The following PCDHGA5 variants were observed in gnomAD, a reference collection of about 807,000 sequenced individuals.
PCDHGA5 encodes protocadherin gamma-A5.
In PCDHGA5, 36 loss-of-function variants were observed where a neutral mutation model predicts 56.7. The ratio of observed to expected loss-of-function variants is 0.64; its 90% CI spans 0.49 to 0.84. PCDHGA5 has a LOEUF of 0.84. Among genes scored for constraint, PCDHGA5 ranks in the 40% least tolerant of loss-of-function variants. The pLI is 0.00. For synonymous variants in PCDHGA5, 563 were observed against 520.2 expected, an observed-to-expected ratio of 1.08 and a Z score of -1.12; for missense variants, 1,305 against 1,201.5, an observed-to-expected ratio of 1.09 and a Z score of -1.27.
chr5:141,433,802 A>G (rs2097651656), intron 1 of PCDHGA5, among the ~76,000 whole-genome samples: 1 of 149,280 alleles, frequency 6.7e-6, no homozygotes, highest in Non-Finnish European at 1.5e-5. Flanking sequence ...GTGCCATTGC[A>G]CTCCAGCCTG....
intron 1 of PCDHGA5, chr5:141,414,836 T>C: frequency 6.2e-7 from 1 of 1,614,222 alleles, no homozygotes; most frequent in Non-Finnish European, 8.5e-7. Context: ...TCGTTGAGCC[T>C]GTTTGTGCTG....
At chr5:141,446,985 C>T (rs1411339328) in intron 1 of PCDHGA5, among the ~76,000 whole-genome samples, 1 of 152,064 alleles carries the variant, frequency 6.6e-6, no homozygotes, top group Non-Finnish European at 1.5e-5. Context: ...AATTCATACT[C>T]CACTCTTCAG....
At position 141,408,728 on chromosome 5, in the gene PCDHGA5, C is replaced by T. The variant is rs371316574; in HGVS notation, c.2421+41977C>T. ...TAAAGATTATAAGATAAACTCTAAT[C>T]CTTATTTTTCATTAATGGTTAGAGT... On this transcript the variant is annotated intron_variant, in intron 1 of 3. Transcript: ENST00000518069. 6.2e-7 allele frequency: 1 copy of T among 1,610,292 alleles called. No homozygotes were observed. Among genetic ancestry groups the T allele is most frequent in the African/African-American group, 1.3e-5 (1 of 74,802 alleles).
At chr5:141,397,627 T>C (rs2093547800) in intron 1 of PCDHGA5, among the ~76,000 whole-genome samples, 1 of 152,224 alleles carries the variant, frequency 6.6e-6, no homozygotes, top group African/African-American at 2.4e-5. Context: ...TAGTTCTAGC[T>C]AAGAGTTCAA....
intron 1 of PCDHGA5, among the ~76,000 whole-genome samples, chr5:141,438,788 A>G (rs1024095720): frequency 3.3e-5 from 5 of 149,742 alleles, no homozygotes; most frequent in Non-Finnish European, 7.4e-5. Flanking sequence ...CAGCCTCTCC[A>G]GTAGCTGGGA....
chr5:141,497,396 C>T (rs2099776233), intron 2 of PCDHGA5, among the ~76,000 whole-genome samples: 1 of 152,116 alleles, frequency 6.6e-6, no homozygotes, highest in Middle Eastern at 3.2e-3. Flanking sequence ...CTTACCCCTG[C>T]CTCAACTCCC....
intron 1 of PCDHGA5, chr5:141,379,005 C>T (rs556550665): frequency 4.6e-4 from 70 of 152,174 alleles, no homozygotes; most frequent in Non-Finnish European, 6.8e-4. Context: ...CAAGATTTTT[C>T]TCCAGTCATG....
At chr5:141,382,690 G>C in intron 1 of PCDHGA5, 1 of 448,422 alleles carries the variant, frequency 2.2e-6, no homozygotes, top group Non-Finnish European at 3.9e-6. Context: ...AGGGAAAAAT[G>C]GTGCGAGAGA....
At chr5:141,395,224 C>G (rs1442627118) in intron 1 of PCDHGA5, 1 of 1,610,586 alleles carries the variant, frequency 6.2e-7, no homozygotes, top group Admixed American at 1.7e-5. Context: ...AAGAATGAAG[C>G]TGATCATGGT....
chr5:141,475,768 G>A (rs756539564), intron 1 of PCDHGA5, among the ~76,000 whole-genome samples: 5 of 152,280 alleles, frequency 3.3e-5, no homozygotes, highest in South Asian at 2.1e-4. Flanking sequence ...TACTGGCAAG[G>A]CGCTTTGGCT....
At position 141,477,811 on chromosome 5, in the gene PCDHGA5, C is replaced by T. The variant is rs1211574518; in HGVS notation, c.2422-16996C>T. The T allele has an allele frequency of 6.2e-7, 1 of 1,614,164 alleles. No homozygotes were observed. The highest frequency in any genetic ancestry group is 8.5e-7 in the Non-Finnish European group (1 of 1,180,026). ...TCACTGATCGCAATGACAATGCCCC[C>T]CAGGTCCTATATCCTCGGCCAGGTG... is the stretch of plus-strand genomic sequence containing the variant. On this transcript the variant is annotated intron_variant, in intron 1 of 3. Transcript: ENST00000518069. The surrounding 1 kb of genome is among the most constrained non-coding windows in gnomAD (Gnocchi z 4.9).
chr5:141,416,063 A>G (rs546746824), intron 1 of PCDHGA5: 201 of 176,914 alleles, frequency 1.1e-3, no homozygotes, highest in Non-Finnish European at 1.8e-3. Flanking sequence ...ATCCAAGAAT[A>G]CTCAATGCAG....
intron 1 of PCDHGA5, among the ~76,000 whole-genome samples, chr5:141,406,226 A>G (rs888434232): frequency 4.6e-5 from 7 of 152,108 alleles, no homozygotes; most frequent in African/African-American, 1.7e-4. Flanking sequence ...TGGGAGGGCT[A>G]GCAAGCTATG....
In PCDHGA5 at chr5:141,432,856, G is replaced by C; in HGVS notation, c.2422-61951G>C. 1 of 1,614,142 alleles carries C rather than the reference G, an allele frequency of 6.2e-7. No homozygotes were observed. The highest frequency in any genetic ancestry group is 1.7e-5 in the Admixed American group (1 of 60,030). On this transcript the variant is annotated intron_variant, in intron 1 of 3. Coordinates refer to ENST00000518069, the MANE Select transcript of PCDHGA5 (RefSeq NM_018918.3). This position sits in a 1 kb window ranked among gnomAD's most constrained non-coding sequence, Gnocchi z 6.0. Reference sequence around the variant, plus strand: ...TGTACCTGGTGGTAGCGGTGGCCGCGGTCTCCTGCGTCTTCCTGGCCTTCG... The same window carrying C: ...TGTACCTGGTGGTAGCGGTGGCCGCCGTCTCCTGCGTCTTCCTGGCCTTCG...
intron 1 of PCDHGA5, chr5:141,407,978 A>ATCCGTCAGCCTCTGGCCTGGGAT (rs2095018425): frequency 2.7e-6 from 2 of 743,974 alleles, no homozygotes; most frequent in Non-Finnish European, 4.1e-6. Context: ...GACGCCGGGG[A>ATCCGTCAGCCTCTGGCCTGGGAT]TCCGTCAGCC....
chr5:141,428,110 C>G (rs917739943), intron 1 of PCDHGA5: 11 of 1,607,538 alleles, frequency 6.8e-6, no homozygotes, highest in Middle Eastern at 3.4e-4. Context: ...GTGCTGCAGG[C>G]CATCGAGCCC....
chr5:141,403,571 G>A (rs778030830), intron 1 of PCDHGA5: 1 of 1,613,904 alleles, frequency 6.2e-7, no homozygotes, highest in Non-Finnish European at 8.5e-7. Context: ...GGAGGCAACT[G>A]CCCACCACCT....
intron 1 of PCDHGA5, chr5:141,430,844 A>C: frequency 6.4e-7 from 1 of 1,571,464 alleles, no homozygotes; most frequent in Non-Finnish European, 8.6e-7. Flanking sequence ...GACCGGATGC[A>C]CCCAGATACG....
At chr5:141,428,540 C>T (rs1561836755) in intron 1 of PCDHGA5, 6 of 268,146 alleles carry the variant, frequency 2.2e-5, no homozygotes, top group South Asian at 8.6e-5. Context: ...CTCACCATGA[C>T]ACCAGAAACA....
Sources: gnomAD v4.1 joint callset for allele counts (sites outside exome capture counted in the v4.1 genomes callset) on GRCh38, gnomAD v4.1.1 for gene constraint, Gnocchi (gnomAD v3.1) non-coding constraint, MANE v1.5 for transcripts, NCBI Gene and HGNC (gene_info 2026-07-23, HGNC 2026-07-21) for gene names.